Variants in EPB41 observed in about 807,000 individuals in gnomAD.
EPB41 encodes erythrocyte membrane protein band 4.1.
A neutral mutation model predicts 108.0 loss-of-function variants in EPB41; 65 were observed. That is an observed-to-expected ratio of 0.60 (90% CI 0.49 to 0.74). EPB41 has a LOEUF of 0.74. Among genes scored for constraint, EPB41 ranks in the 30% least tolerant of loss-of-function variants. The pLI is 0.00. For synonymous variants in EPB41, 336 were observed against 358.9 expected (o/e 0.94, Z 0.72); for missense variants, 875 against 1,037.0 (o/e 0.84, Z 2.15).
rs1405940390 is a variant in EPB41 at position 29,117,461 on chromosome 1, T to G, written c.*649T>G. ...TGTTTTTCCCCTCTCCCTCCTGCTT[T>G]CTTTTTGGAGCTTCTTTGGGTCAAA... is the stretch of plus-strand genomic sequence containing the variant. On this transcript the variant is annotated 3_prime_UTR_variant, in exon 21 of 21. Coordinates refer to ENST00000343067, the MANE Select transcript of EPB41 (RefSeq NM_001376013.1). 2 of 152,702 alleles carry G rather than the reference T, an allele frequency of 1.3e-5. No homozygotes were observed. The highest frequency in any genetic ancestry group is 4.8e-5 in the African/African-American group (2 of 41,460). The allele number at this position is 152,702 out of a possible 1,614,324, so 9.5% of individuals were successfully genotyped here. A position where few individuals can be genotyped will look rare whatever the true frequency, so the allele number is the denominator to read the frequency against.
chr1:28,999,186 C>A (rs965459851), intron 4 of EPB41, among the ~76,000 whole-genome samples: 5 of 151,960 alleles, frequency 3.3e-5, no homozygotes, highest in Non-Finnish European at 7.4e-5. Flanking sequence ...CTGGCTAACA[C>A]GGTGAAACTC....
chr1:29,060,622 T>C, intron 15 of EPB41, 138 bp downstream of exon 15: 1 of 727,550 alleles, frequency 1.4e-6, no homozygotes, highest in South Asian at 1.5e-5. Flanking sequence ...TAAAATGCTT[T>C]TGCATGTTGG....
chr1:29,053,042 C>T (rs1305835361), intron 11 of EPB41, 62 bp from the exon 12 acceptor site: 1 of 1,575,042 alleles, frequency 6.3e-7, no homozygotes, highest in Non-Finnish European at 8.7e-7. Flanking sequence ...TGCCTGGTGA[C>T]TTTGAAATAA....
intron 16 of EPB41, among the ~76,000 whole-genome samples, chr1:29,094,576 C>G (rs1163505898): frequency 6.6e-6 from 1 of 152,204 alleles, no homozygotes. Context: ...CCATGCCCAG[C>G]CTACCATGCT....
chr1:29,114,263 G>C (rs1461604574), intron 19 of EPB41, among the ~76,000 whole-genome samples: 1 of 152,086 alleles, frequency 6.6e-6, no homozygotes, highest in Non-Finnish European at 1.5e-5. Context: ...AGTAATCAAA[G>C]CTCCTCCAGA....
At chr1:29,113,586 A>G (rs1412354684) in intron 19 of EPB41, among the ~76,000 whole-genome samples, 3 of 152,206 alleles carry the variant, frequency 2.0e-5, no homozygotes, top group Non-Finnish European at 4.4e-5. Flanking sequence ...CAGCAAAAGC[A>G]ATGCGGTGAA....
chr1:28,943,076 T>C (rs886736978), intron 1 of EPB41, among the ~76,000 whole-genome samples: 1 of 152,200 alleles, frequency 6.6e-6, no homozygotes, highest in Non-Finnish European at 1.5e-5. Context: ...ACTCAGTTTA[T>C]TGGAATAAAA....
intron 1 of EPB41, among the ~76,000 whole-genome samples, chr1:28,925,615 C>G (rs1570697751): frequency 6.6e-6 from 1 of 151,984 alleles, no homozygotes; most frequent in East Asian, 1.9e-4. Context: ...GTGAGCTGTG[C>G]AGGTATCTGG....
intron 15 of EPB41, among the ~76,000 whole-genome samples, chr1:29,063,190 G>T (rs1367515008): frequency 6.6e-6 from 1 of 152,144 alleles, no homozygotes; most frequent in Non-Finnish European, 1.5e-5. Context: ...CCAATACTGG[G>T]TCTTTGAATG....
At chr1:29,049,055 G>C (rs185206292) in intron 11 of EPB41, among the ~76,000 whole-genome samples, 5 of 152,108 alleles carry the variant, frequency 3.3e-5, no homozygotes, top group Non-Finnish European at 5.9e-5. Flanking sequence ...TACAAGAATT[G>C]CTTTATAAGG....
At chr1:29,100,366 G>A (rs543356) in intron 17 of EPB41, among the ~76,000 whole-genome samples, 85,699 of 133,608 alleles carry the variant, frequency 0.64, 30,160 homozygotes, top group Non-Finnish European at 0.79. Context: ...GGAGGCTGAG[G>A]CAGGAGAATC....
chr1:29,051,088 G>GTTTTTTTTTTTTTTTTTTTTTTTT (rs71586885), intron 11 of EPB41, among the ~76,000 whole-genome samples: 3 of 51,576 alleles, frequency 5.8e-5, no homozygotes, highest in Non-Finnish European at 9.7e-5. Context: ...TTCTTTTTCT[G>GTTTTTTTTTTTTTTTTTTTTTTTT]TTTTTTTTTT....
chr1:29,097,894 G>A lies in EPB41; in HGVS notation c.2272G>A (p.Val758Ile), dbSNP rs766549410. The change falls in exon 17 of 21, where the codon GTC becomes ATC. Residue 758 changes from valine (V) to isoleucine (I), a missense_variant. By Grantham distance (29) the Val-to-Ile change is conservative (BLOSUM62 3). This residue lies in a region of EPB41 where 519 missense variants were observed against 627.3 expected (regional missense o/e 0.83). Coordinates refer to ENST00000343067, the MANE Select transcript of EPB41 (RefSeq NM_001376013.1). ...SEIPTKDVPI[V>I]HTETKTITYE... The stretch of plus-strand genomic sequence containing the variant: ...AATCCCAACCAAAGACGTCCCTATT[G>A]TCCACACTGAGACCAAGACCATCAC... The A allele has an allele frequency of 1.2e-6, 2 of 1,613,942 alleles. No homozygotes were observed. Among genetic ancestry groups the A allele is most frequent in the African/African-American group, 1.3e-5 (1 of 75,020 alleles).
chr1:28,963,554 A>G (rs922974254), intron 1 of EPB41, among the ~76,000 whole-genome samples: 4 of 152,202 alleles, frequency 2.6e-5, no homozygotes, highest in African/African-American at 9.6e-5. Context: ...ATTTTATCTC[A>G]TAGTCCCTCT....
chr1:28,891,664 A>G (rs1346791764), intron 1 of EPB41, among the ~76,000 whole-genome samples: 2 of 152,120 alleles, frequency 1.3e-5, no homozygotes, highest in African/African-American at 2.4e-5. Flanking sequence ...ATCAGGTGAG[A>G]ATGTGGTTGC....
At chr1:28,954,959 A>C (rs1353187297) in intron 1 of EPB41, among the ~76,000 whole-genome samples, 3 of 152,242 alleles carry the variant, frequency 2.0e-5, no homozygotes, top group Non-Finnish European at 4.4e-5. Context: ...TTTATTAATA[A>C]ATGTGCTTTG....
chr1:28,965,775 G>C (rs964971913), intron 1 of EPB41, among the ~76,000 whole-genome samples: 1 of 152,016 alleles, frequency 6.6e-6, no homozygotes, highest in African/African-American at 2.4e-5. Flanking sequence ...CTTTGTTAGA[G>C]ACTACACTAG....
At chr1:29,090,050 G>A (rs929565453) in intron 16 of EPB41, among the ~76,000 whole-genome samples, 1 of 152,180 alleles carries the variant, frequency 6.6e-6, no homozygotes, top group Non-Finnish European at 1.5e-5. Flanking sequence ...GATCACTTGA[G>A]GTAAGGAGTT....
At chr1:29,086,984 G>T (rs868581777) in intron 16 of EPB41, among the ~76,000 whole-genome samples, 1 of 118,102 alleles carries the variant, frequency 8.5e-6, no homozygotes, top group African/African-American at 3.3e-5. Context: ...TTGCTCTGTC[G>T]CCCAGGCTGG....
Sources: gnomAD v4.1 joint callset for allele counts (sites outside exome capture counted in the v4.1 genomes callset) on GRCh38, gnomAD v4.1.1 for gene constraint, gnomAD v4.1.1 regional missense constraint, MANE v1.5 for transcripts, NCBI Gene and HGNC (gene_info 2026-07-23, HGNC 2026-07-21) for gene names.